Variants in WWOX observed in about 807,000 individuals in gnomAD.
WWOX encodes the protein WW domain-containing oxidoreductase.
WWOX carries 69 observed loss-of-function variants against 46.2 expected under a neutral mutation model. The ratio of observed to expected loss-of-function variants is 1.49; its 90% CI spans 1.23 to 1.82. The LOEUF (loss-of-function observed/expected upper bound fraction) is 1.82, where lower values mean the gene tolerates loss of function less well. Ranked by LOEUF, WWOX falls within the 40% of genes most tolerant of loss-of-function variation. The pLI is 0.00. For missense variants in WWOX, 919 were observed against 542.6 expected (o/e 1.69, Z -6.89); for synonymous variants, 359 against 202.6 (o/e 1.77, Z -6.56).
At chr16:78,648,711 G>C (rs751116260) in intron 8 of WWOX, among the ~76,000 whole-genome samples, 22 of 152,114 alleles carry the variant, frequency 1.4e-4, no homozygotes, top group Non-Finnish European at 2.9e-4. Context: ...CCTCCAATCG[G>C]AGCATACTGG....
intron 7 of WWOX, among the ~76,000 whole-genome samples, chr16:78,430,664 C>G (rs1567569062): frequency 6.6e-6 from 1 of 152,084 alleles, no homozygotes; most frequent in Non-Finnish European, 1.5e-5. Context: ...TCAGACTCTT[C>G]CTGTGGTTTG....
At chr16:78,736,867 C>T (rs957897495) in intron 8 of WWOX, among the ~76,000 whole-genome samples, 1 of 152,098 alleles carries the variant, frequency 6.6e-6, no homozygotes, top group South Asian at 2.1e-4. Flanking sequence ...CCTCAGAATC[C>T]CAAAGTGCTG....
At chr16:78,385,476 A>G (rs1019195486) in intron 5 of WWOX, among the ~76,000 whole-genome samples, 18 of 152,194 alleles carry the variant, frequency 1.2e-4, no homozygotes, top group Admixed American at 1.1e-3. Context: ...TTTTACAGAT[A>G]AGGAAACTGA....
intron 5 of WWOX, among the ~76,000 whole-genome samples, chr16:78,385,493 A>G (rs1343942223): frequency 2.0e-5 from 3 of 152,202 alleles, no homozygotes; most frequent in African/African-American, 4.8e-5. Context: ...CTGAGGCTCA[A>G]CAGTGTTAAA....
chr16:78,555,614 A>G (rs1394610220), intron 8 of WWOX, among the ~76,000 whole-genome samples: 1 of 134,050 alleles, frequency 7.5e-6, no homozygotes, highest in East Asian at 2.2e-4. Context: ...TACTTGCATT[A>G]TTGTTGTTGT....
At chr16:78,205,402 G>A (rs531174506) in intron 5 of WWOX, among the ~76,000 whole-genome samples, 19 of 152,016 alleles carry the variant, frequency 1.2e-4, no homozygotes, top group East Asian at 3.9e-4. Flanking sequence ...CCATCCAACC[G>A]TCCTTGCATC....
chr16:78,757,747 A>G (rs922928093), intron 8 of WWOX, among the ~76,000 whole-genome samples: 14 of 151,874 alleles, frequency 9.2e-5, no homozygotes, highest in African/African-American at 3.1e-4. Context: ...AAATTTTCCT[A>G]TAAATAATCT....
chr16:78,595,507 T>C (rs975582823), intron 8 of WWOX, among the ~76,000 whole-genome samples: 3 of 152,226 alleles, frequency 2.0e-5, no homozygotes, highest in Admixed American at 6.5e-5. Flanking sequence ...CACGTGGCTA[T>C]GTACAAGACC....
chr16:78,531,018 G>A (rs149931130), intron 8 of WWOX, among the ~76,000 whole-genome samples: 2 of 152,274 alleles, frequency 1.3e-5, no homozygotes, highest in African/African-American at 4.8e-5. Flanking sequence ...AGCAATCTAT[G>A]GTCTTTATCA....
intron 5 of WWOX, among the ~76,000 whole-genome samples, chr16:78,378,339 G>T (rs538555616): frequency 6.6e-6 from 1 of 152,114 alleles, no homozygotes; most frequent in Admixed American, 6.5e-5. Flanking sequence ...CTTTAGGCTT[G>T]GCAAAGATGG....
chr16:78,988,181 A>G (rs1444133305), intron 8 of WWOX, among the ~76,000 whole-genome samples: 1 of 151,842 alleles, frequency 6.6e-6, no homozygotes, highest in East Asian at 1.9e-4. Context: ...CGTCTCTACT[A>G]AAAATACAAA....
At chr16:78,805,308 A>G (rs1349093784) in intron 8 of WWOX, among the ~76,000 whole-genome samples, 2 of 152,168 alleles carry the variant, frequency 1.3e-5, no homozygotes, top group Non-Finnish European at 2.9e-5. Context: ...GCTCGAGTGC[A>G]GTGGCGCCAT....
intron 8 of WWOX, among the ~76,000 whole-genome samples, chr16:78,738,969 C>T (rs1056609892): frequency 2.0e-5 from 3 of 152,140 alleles, no homozygotes; most frequent in African/African-American, 7.2e-5. Flanking sequence ...CCAATTTAGT[C>T]CTGGCCCTAG....
chr16:78,990,484 C>T (rs899052724), intron 8 of WWOX, among the ~76,000 whole-genome samples: 3 of 152,272 alleles, frequency 2.0e-5, no homozygotes, highest in Non-Finnish European at 4.4e-5. Context: ...TGTGTTACTG[C>T]AAACTCTGTG....
chr16:78,874,945 A>G (rs1323536367), intron 8 of WWOX, among the ~76,000 whole-genome samples: 2 of 152,176 alleles, frequency 1.3e-5, no homozygotes, highest in East Asian at 1.9e-4. Flanking sequence ...CATTGGAACC[A>G]GGAAGGCCTG....
At chr16:78,640,185 G>A (rs1412287742) in intron 8 of WWOX, among the ~76,000 whole-genome samples, 1 of 150,012 alleles carries the variant, frequency 6.7e-6, no homozygotes, top group African/African-American at 2.5e-5. Flanking sequence ...CCTCTCCTTG[G>A]GTCATGGGTG....
chr16:78,512,753 A>G (rs189238228), intron 8 of WWOX, among the ~76,000 whole-genome samples: 20 of 152,384 alleles, frequency 1.3e-4, no homozygotes, highest in Non-Finnish European at 2.2e-4. Context: ...ATGCTAAAAT[A>G]AGCTTGACTG....
intron 8 of WWOX, among the ~76,000 whole-genome samples, chr16:78,930,204 G>C (rs1357428315): frequency 7.5e-6 from 1 of 133,272 alleles, no homozygotes; most frequent in African/African-American, 2.8e-5. Context: ...AGCCTGGGGT[G>C]GATTATTTCA....
intron 8 of WWOX, among the ~76,000 whole-genome samples, chr16:78,876,837 T>C (rs767742473): frequency 3.9e-5 from 6 of 152,206 alleles, no homozygotes; most frequent in Non-Finnish European, 8.8e-5. Context: ...TCTTAACAGC[T>C]TGGCAAACCC....
Sources: allele counts gnomAD v4.1 joint callset (sites outside exome capture counted in the v4.1 genomes callset), GRCh38; gene constraint gnomAD v4.1.1; transcripts MANE v1.5; gene names NCBI Gene and HGNC (gene_info 2026-07-23, HGNC 2026-07-21).